Variants in ZMIZ1 observed in about 807,000 individuals in gnomAD.
ZMIZ1 encodes the protein zinc finger MIZ-type containing 1, also known as zinc finger MIZ domain-containing protein 1.
ZMIZ1 carries 17 observed loss-of-function variants against 113.9 expected under a neutral mutation model. The ratio of observed to expected loss-of-function variants is 0.15; its 90% CI spans 0.10 to 0.22. The LOEUF (loss-of-function observed/expected upper bound fraction) is 0.22. Among genes scored for constraint, ZMIZ1 ranks in the 10% least tolerant of loss-of-function variants. ZMIZ1 has a pLI of 1.00. For missense variants in ZMIZ1, 1,059 were observed against 1,477.8 expected (o/e 0.72, Z 4.65); for synonymous variants, 607 against 603.1 (o/e 1.01, Z -0.09).
At chr10:79,310,673 TC>T (rs1855079519) in intron 23 of ZMIZ1, among the ~76,000 whole-genome samples, 1 of 151,990 alleles carries the variant, frequency 6.6e-6, no homozygotes, top group South Asian at 2.1e-4. Context: ...GTCGAAGCCC[TC>T]CCCACCTCCT....
chr10:79,280,949 T>C (rs1852697863), intron 8 of ZMIZ1, among the ~76,000 whole-genome samples: 1 of 152,210 alleles, frequency 6.6e-6, no homozygotes, highest in African/African-American at 2.4e-5. Flanking sequence ...TAATTCTAAC[T>C]CAGCCGTCCA....
At chr10:79,311,848 C>T (rs1855192954) in intron 24 of ZMIZ1, among the ~76,000 whole-genome samples, 1 of 151,736 alleles carries the variant, frequency 6.6e-6, no homozygotes, top group Non-Finnish European at 1.5e-5. Context: ...GACTGAGCAC[C>T]GGCCCCGCCC....
chr10:79,179,455 T>G (rs577050309), intron 4 of ZMIZ1, among the ~76,000 whole-genome samples: 1 of 152,372 alleles, frequency 6.6e-6, no homozygotes, highest in South Asian at 2.1e-4. Context: ...TGCCTGGCTC[T>G]GCACCCGCAC....
chr10:79,302,360 C>T (rs1046398699), intron 18 of ZMIZ1, 148 bp downstream of exon 18: 12 of 753,678 alleles, frequency 1.6e-5, no homozygotes, highest in Admixed American at 2.2e-5. Context: ...GCGCCCTGTC[C>T]TGAGGCTCAT....
intron 7 of ZMIZ1, among the ~76,000 whole-genome samples, chr10:79,261,905 A>G (rs1851295056): frequency 6.6e-6 from 1 of 152,204 alleles, no homozygotes; most frequent in African/African-American, 2.4e-5. Context: ...TAACTAGTAG[A>G]TAAAGCCAGG....
intron 7 of ZMIZ1, among the ~76,000 whole-genome samples, chr10:79,242,990 G>C (rs935417243): frequency 3.3e-5 from 5 of 151,612 alleles, no homozygotes; most frequent in African/African-American, 1.2e-4. Context: ...GCGGCGGGCT[G>C]GGGGGCGGGG....
At chr10:79,297,279 A>G (rs185078852) in intron 13 of ZMIZ1, among the ~76,000 whole-genome samples, 9 of 152,320 alleles carry the variant, frequency 5.9e-5, no homozygotes, top group African/African-American at 1.9e-4. Flanking sequence ...CTTGGGAGTA[A>G]AGAAGACACT....
At position 79,118,469 on chromosome 10, in the gene ZMIZ1, G is replaced by T. The variant is rs890947579; in HGVS notation, c.-336-446G>T. ...CGCACAGCCCACTGGAGATGAACAAGCAAGGAGGGGCTGGTGAGAGAGGGC... is the reference window on the plus strand; with the variant it reads ...CGCACAGCCCACTGGAGATGAACAATCAAGGAGGGGCTGGTGAGAGAGGGC... On this transcript the variant is annotated intron_variant, in intron 1 of 24. Transcript: ENST00000334512. The surrounding 1 kb of genome is among the most constrained non-coding windows in gnomAD (Gnocchi z 4.1). Among the ~76,000 whole-genome samples the T allele has an allele frequency of 1.1e-4, 17 of 152,218 alleles. No homozygotes were observed. Among genetic ancestry groups the T allele is most frequent in the African/African-American group, 4.1e-4 (17 of 41,460 alleles).
chr10:79,288,854 C>A (rs1782645), intron 8 of ZMIZ1, among the ~76,000 whole-genome samples: 1 of 151,990 alleles, frequency 6.6e-6, no homozygotes, highest in Admixed American at 6.5e-5. Flanking sequence ...AGGCTAACTC[C>A]TTGCTTCTGA....
intron 4 of ZMIZ1, among the ~76,000 whole-genome samples, chr10:79,171,326 C>T (rs529099872): frequency 6.6e-6 from 1 of 152,330 alleles, no homozygotes; most frequent in South Asian, 2.1e-4. Context: ...GGGCCTAGAA[C>T]TTAGGGACTG....
intron 3 of ZMIZ1, among the ~76,000 whole-genome samples, chr10:79,148,051 G>A (rs1300227742): frequency 6.6e-6 from 1 of 152,230 alleles, no homozygotes; most frequent in African/African-American, 2.4e-5. Context: ...GGAGGAGGAG[G>A]GCTGTGGTGG....
At chr10:79,289,976 T>G in intron 9 of ZMIZ1, 87 bp downstream of exon 9, 1 of 1,316,644 alleles carries the variant, frequency 7.6e-7, no homozygotes, top group Non-Finnish European at 1.1e-6. Flanking sequence ...CTCTTCACCC[T>G]CACAGGCCTT....
chr10:79,149,184 G>A (rs755655121), intron 3 of ZMIZ1, among the ~76,000 whole-genome samples: 7 of 152,162 alleles, frequency 4.6e-5, no homozygotes, highest in South Asian at 2.1e-4. Flanking sequence ...GGGTAATCTC[G>A]AGCAAGGCTG....
In ZMIZ1 at chr10:79,296,743, G is replaced by A. The variant is rs916159814; in HGVS notation, c.1413+90G>A. The A allele has an allele frequency of 1.2e-4, 157 of 1,332,220 alleles. No homozygotes were observed. The highest frequency in any genetic ancestry group is 1.4e-4 in the Non-Finnish European group (142 of 991,010). 82.5% of individuals were successfully genotyped at this position (1,332,220 alleles called of 1,614,324 possible). A position where few individuals can be genotyped will look rare whatever the true frequency, so the allele number is the denominator to read the frequency against. On this transcript the variant is annotated intron_variant, in intron 13 of 24. Transcript: ENST00000334512. This position sits in a 1 kb window ranked among gnomAD's most constrained non-coding sequence, Gnocchi z 4.1. ...TCCACCGGGATCACTCTGACCCTGC[G>A]TGTGTTTGCCCCAAGGACAGCGAGG...
At chr10:79,089,474 C>A (rs982865514) in intron 1 of ZMIZ1, among the ~76,000 whole-genome samples, 4 of 152,240 alleles carry the variant, frequency 2.6e-5, no homozygotes, top group Non-Finnish European at 4.4e-5. Flanking sequence ...CAATTGAAGT[C>A]TTTGCCTCCT....
rs1461341055 is a variant in ZMIZ1 at position 79,289,788 on chromosome 10, C to T, written c.439C>T (p.Pro147Ser). The change falls in exon 9 of 25, where the codon CCC becomes TCC. Residue 147 changes from proline (P) to serine (S), a missense_variant. Physicochemically the swap from Pro to Ser is moderately conservative, Grantham distance 74. Transcript: ENST00000334512. ...PTLSHSDGSF[P>S]YDSVPWQQNT... ...CTCCCTCTGCAGTGATGGGTCGTTC[C>T]CCTATGACTCTGTCCCTTGGCAGCA... 7 of 1,613,888 alleles carry T rather than the reference C, an allele frequency of 4.3e-6. No homozygotes were observed. The highest frequency in any genetic ancestry group is 2.2e-5 in the South Asian group (2 of 91,084).
chr10:79,113,562 C>T (rs965655631), intron 1 of ZMIZ1, among the ~76,000 whole-genome samples: 2 of 152,210 alleles, frequency 1.3e-5, no homozygotes, highest in African/African-American at 4.8e-5. Flanking sequence ...TGTGCCCAGG[C>T]CCCCACCCCA....
intron 7 of ZMIZ1, among the ~76,000 whole-genome samples, chr10:79,230,855 A>T (rs1172739826): frequency 6.6e-6 from 1 of 152,200 alleles, no homozygotes; most frequent in Non-Finnish European, 1.5e-5. Context: ...ATGGAAAGAG[A>T]ACTGTGGGAG....
chr10:79,220,167 T>C (rs1027774858), intron 7 of ZMIZ1, among the ~76,000 whole-genome samples: 5 of 152,126 alleles, frequency 3.3e-5, no homozygotes, highest in Non-Finnish European at 7.4e-5. Flanking sequence ...TTTGCCCACC[T>C]CATGGGCTGC....
Sources: allele counts gnomAD v4.1 joint callset (sites outside exome capture counted in the v4.1 genomes callset), GRCh38; gene constraint gnomAD v4.1.1; non-coding constraint Gnocchi (gnomAD v3.1); transcripts MANE v1.5; gene names NCBI Gene and HGNC (gene_info 2026-07-23, HGNC 2026-07-21).